Variants in SAP30 observed in about 807,000 individuals in gnomAD.
SAP30 encodes the protein histone deacetylase complex subunit SAP30.
SAP30 carries 13 observed loss-of-function variants against 19.6 expected under a neutral mutation model. That is an observed-to-expected ratio of 0.66 (90% CI 0.43 to 1.05). SAP30 has a LOEUF of 1.05. SAP30 is among the 50% of genes least tolerant of loss of function. The pLI is 0.00. For missense variants in SAP30, 257 were observed against 292.1 expected, an observed-to-expected ratio of 0.88 and a Z score of 0.88; for synonymous variants, 108 against 122.7, an observed-to-expected ratio of 0.88 and a Z score of 0.79.
In SAP30 at chr4:173,371,961, A is replaced by G. The variant is rs1165284806; in HGVS notation, c.315+464A>G. Among the ~76,000 whole-genome samples, 1 of 152,216 alleles carries G rather than the reference A, an allele frequency of 6.6e-6. No individual in the cohort carries two copies. Among genetic ancestry groups the G allele is most frequent in the African/African-American group, 2.4e-5 (1 of 41,438 alleles). On this transcript the variant is annotated intron_variant, in intron 1 of 3. Transcript: ENST00000296504. This position sits in a 1 kb window ranked among gnomAD's most constrained non-coding sequence, Gnocchi z 6.4. ...AGAAAGCGGAGGACCTTCACGAACA[A>G]GGAAGATCCTGTTCTTTTCTGTGTT...
Position 173,373,331 on chromosome 4 carries a change from T to C in SAP30, c.316-59T>C, listed in dbSNP as rs1422639069. 2.7e-6 allele frequency: 4 copies of C among 1,473,888 alleles called. No homozygotes were observed. In the East Asian group the frequency reaches 7.2e-5, roughly 27 times the overall value. The allele number at this position is 1,473,888 out of a possible 1,614,324, so 91.3% of individuals were successfully genotyped here. On this transcript the variant is annotated intron_variant, in intron 1 of 3. Transcript: ENST00000296504. ...ACTCACTGTGGCATATGTGTTTTAC[T>C]AATACATAGACACATTTTACTGTAA...
At chr4:173,375,780 CTGGTACTGGTTGG>C (rs1739024615) in intron 3 of SAP30, among the ~76,000 whole-genome samples, 1 of 152,202 alleles carries the variant, frequency 6.6e-6, no homozygotes, top group Admixed American at 6.5e-5. Context: ...GGGCCATGGA[CTGGTACTGGTTGG>C]TGGCCTGTTA....
chr4:173,372,295 G>A (rs1738955782), intron 1 of SAP30, among the ~76,000 whole-genome samples: 1 of 152,198 alleles, frequency 6.6e-6, no homozygotes, highest in African/African-American at 2.4e-5. Context: ...TCTTGCGCTT[G>A]GCTTAGAAGT....
Position 173,376,766 on chromosome 4 carries a change from A to T in SAP30, c.541-439A>T, listed in dbSNP as rs879321837. ...TCTGAGTAGCTAGGATTACAGGTGT[A>T]CACCACCAGGCCTATCTAATTTTTG... On this transcript the variant is annotated intron_variant, in intron 3 of 3. Coordinates refer to ENST00000296504, the MANE Select transcript of SAP30 (RefSeq NM_003864.4). Among the ~76,000 whole-genome samples, 153 of 151,922 alleles carry T rather than the reference A, an allele frequency of 1.0e-3. 2 individuals are homozygous for T. The highest frequency in any genetic ancestry group is 3.6e-3 in the African/African-American group (148 of 41,448).
In SAP30 at chr4:173,373,506, T is replaced by G. The variant is rs1190715006; in HGVS notation, c.432T>G (p.Asp144Glu). The change falls in exon 2 of 4, where the codon GAT becomes GAG. Residue 144 changes from aspartate (D) to glutamate (E), a missense_variant. Coordinates refer to ENST00000296504, the MANE Select transcript of SAP30 (RefSeq NM_003864.4). ...DGGDSPVQDIDTPEVDLYQLQ... is the reference protein window; with the variant it reads ...DGGDSPVQDIETPEVDLYQLQ... ...GTGATTCACCTGTTCAAGATATTGATACCCCAGAGGTAGATGGAAGTTTTT... is the reference window on the plus strand; with the variant it reads ...GTGATTCACCTGTTCAAGATATTGAGACCCCAGAGGTAGATGGAAGTTTTT... The G allele has an allele frequency of 6.2e-7, 1 of 1,606,386 alleles. No homozygotes were observed. Among genetic ancestry groups the G allele is most frequent in the African/African-American group, 1.3e-5 (1 of 74,568 alleles).
In SAP30 at chr4:173,377,141, T is replaced by C. The variant is rs1268600029; in HGVS notation, c.541-64T>C. 4.8e-6 allele frequency: 6 copies of C among 1,258,132 alleles called. No individual in the cohort carries two copies. In the African/African-American group the frequency reaches 7.9e-5, roughly 16 times the overall value. The allele number at this position is 1,258,132 out of a possible 1,614,324, so 77.9% of individuals were successfully genotyped here. On this transcript the variant is annotated intron_variant, in intron 3 of 3. Transcript: ENST00000296504. ...TTTCTTTTGATGAAACCGTATTTTT[T>C]ACGTAGTTTATGAAACCTGTTATAT...
In SAP30 at chr4:173,371,152, C is replaced by T; in HGVS notation, c.-31C>T. 5 of 1,461,296 alleles carry T rather than the reference C, an allele frequency of 3.4e-6. No homozygotes were observed. The highest frequency in any genetic ancestry group is 4.5e-6 in the Non-Finnish European group (5 of 1,109,350). The allele number at this position is 1,461,296 out of a possible 1,614,324, so 90.5% of individuals were successfully genotyped here. On this transcript the variant is annotated 5_prime_UTR_variant, in exon 1 of 4. Transcript: ENST00000296504. The surrounding 1 kb of genome is among the most constrained non-coding windows in gnomAD (Gnocchi z 6.4). ...GGAGCGGCCAGGAGAGAGGGGATTT[C>T]TGTCAGCGCCGGCCTCGGGAGCTCG...
At chr4:173,373,902 TTGTA>T (rs1473955579) in intron 2 of SAP30, 33 bp from the exon 3 acceptor site, 6 of 1,002,598 alleles carry the variant, frequency 6.0e-6, no homozygotes, top group Non-Finnish European at 7.4e-6. Flanking sequence ...TTTCAACAAA[TTGTA>T]TGAACTCATT....
Position 173,371,229 on chromosome 4 carries a change from C to T in SAP30, c.47C>T (p.Ala16Val). 3 of 1,459,056 alleles carry T rather than the reference C, an allele frequency of 2.1e-6. No individual in the cohort carries two copies. The highest frequency in any genetic ancestry group is 2.7e-6 in the Non-Finnish European group (3 of 1,111,028). 90.4% of individuals were successfully genotyped at this position (1,459,056 alleles called of 1,614,324 possible). ...PDEMSRGGDA[A>V]AAVAAVVAAA... The stretch of plus-strand genomic sequence containing the variant: ...GAGATGAGCCGCGGCGGGGATGCGG[C>T]CGCCGCAGTGGCCGCAGTGGTCGCT... The change falls in exon 1 of 4, where the codon GCC (alanine) becomes GTC (valine). Residue 16 changes from alanine to valine, a missense_variant. By Grantham distance (64) the Ala-to-Val change is moderately conservative. Coordinates refer to ENST00000296504, the MANE Select transcript of SAP30 (RefSeq NM_003864.4). This position sits in a 1 kb window ranked among gnomAD's most constrained non-coding sequence, Gnocchi z 6.4.
At chr4:173,374,962 G>A (rs928139334) in intron 3 of SAP30, among the ~76,000 whole-genome samples, 5 of 151,232 alleles carry the variant, frequency 3.3e-5, no homozygotes, top group Non-Finnish European at 5.9e-5. Context: ...AACGGAGCAT[G>A]CATATGTTTT....
chr4:173,377,446 G>A lies in SAP30; in HGVS notation c.*119G>A, dbSNP rs914993943. On this transcript the variant is annotated 3_prime_UTR_variant, in exon 4 of 4. Coordinates refer to ENST00000296504, the MANE Select transcript of SAP30 (RefSeq NM_003864.4). Reference sequence around the variant, plus strand: ...GATTTTCTCTGATTTTATTTTCTTTGTTTCTGACTCTAATAATTAGTTGGA... The same window carrying A: ...GATTTTCTCTGATTTTATTTTCTTTATTTCTGACTCTAATAATTAGTTGGA... 2.0e-6 allele frequency: 2 copies of A among 986,768 alleles called. No individual in the cohort carries two copies. The highest frequency in any genetic ancestry group is 2.9e-5 in the East Asian group (1 of 34,878). The allele number at this position is 986,768 out of a possible 1,614,324, so 61.1% of individuals were successfully genotyped here. A position where few individuals can be genotyped will look rare whatever the true frequency, so the allele number is the denominator to read the frequency against.
rs908267729 is a variant in SAP30, at chr4:173,370,961, G to C, written c.-222G>C. 2.6e-5 allele frequency: 7 copies of C among 273,372 alleles called. No homozygotes were observed. The highest frequency in any genetic ancestry group is 4.5e-5 in the African/African-American group (2 of 44,144). 16.9% of individuals were successfully genotyped at this position (273,372 alleles called of 1,614,324 possible). A position where few individuals can be genotyped will look rare whatever the true frequency, so the allele number is the denominator to read the frequency against. Reference sequence around the variant, plus strand: ...CTGAAGTCCCCATGTGACAGTGAGCGGGGTCCCCGCTCCAGGAGACGCTCG... The same window carrying C: ...CTGAAGTCCCCATGTGACAGTGAGCCGGGTCCCCGCTCCAGGAGACGCTCG... On this transcript the variant is annotated 5_prime_UTR_variant, in exon 1 of 4. Transcript: ENST00000296504.
intron 2 of SAP30, 101 bp from the exon 3 acceptor site, chr4:173,373,838 A>AG (rs1738993037): frequency 2.5e-6 from 1 of 406,150 alleles, no homozygotes; most frequent in Non-Finnish European, 3.8e-6. Flanking sequence ...TTTGGAAGTA[A>AG]ATTTTATTGT....
intron 3 of SAP30, among the ~76,000 whole-genome samples, chr4:173,376,226 C>G (rs772080091): frequency 6.6e-6 from 1 of 152,120 alleles, no homozygotes; most frequent in East Asian, 1.9e-4. Flanking sequence ...TATTATTCTT[C>G]TATTAGTAAT....
At chr4:173,373,813 T>A (rs935697740) in intron 2 of SAP30, 126 bp from the exon 3 acceptor site, 31 of 434,710 alleles carry the variant, frequency 7.1e-5, no homozygotes, top group Admixed American at 5.9e-4. Flanking sequence ...ATAAATTTTT[T>A]AAATTTTTTT....
chr4:173,377,252 C>G lies in SAP30; in HGVS notation c.588C>G (p.Thr196=). The G allele has an allele frequency of 6.2e-7, 1 of 1,608,316 alleles. No homozygotes were observed. The highest frequency in any genetic ancestry group is 8.5e-7 in the Non-Finnish European group (1 of 1,177,376). The change falls in exon 4 of 4, where the codon ACC becomes ACG. Residue 196 remains threonine (T), a synonymous_variant. Transcript: ENST00000296504. ...FRSIPVNEKD[T]LTYFIYSVKN... ...CTATTCCAGTGAATGAAAAAGACAC[C>G]TTAACATATTTCATCTACTCAGTGA...
chr4:173,373,024 T>C (rs1167434562), intron 1 of SAP30, among the ~76,000 whole-genome samples: 1 of 152,210 alleles, frequency 6.6e-6, no homozygotes, highest in Non-Finnish European at 1.5e-5. Flanking sequence ...GCTCAAGTGA[T>C]CCACCCGCCT....
chr4:173,374,208 A>C (rs1332292599), intron 3 of SAP30, among the ~76,000 whole-genome samples, 171 bp downstream of exon 3: 1 of 152,224 alleles, frequency 6.6e-6, no homozygotes, highest in Non-Finnish European at 1.5e-5. Context: ...TCTGCCACTT[A>C]GGAAATTCCT....
intron 1 of SAP30, among the ~76,000 whole-genome samples, chr4:173,373,133 T>G (rs971340496): frequency 6.6e-6 from 1 of 152,146 alleles, no homozygotes; most frequent in Non-Finnish European, 1.5e-5. Context: ...TTTCTCATTC[T>G]CCTCTCCCTC....
Sources: gnomAD v4.1 joint callset for allele counts (sites outside exome capture counted in the v4.1 genomes callset) on GRCh38, gnomAD v4.1.1 for gene constraint, Gnocchi (gnomAD v3.1) non-coding constraint, MANE v1.5 for transcripts, NCBI Gene and HGNC (gene_info 2026-07-23, HGNC 2026-07-21) for gene names.